Variants in ACOX3 observed in about 807,000 individuals in gnomAD.
ACOX3 encodes acyl-CoA oxidase 3, pristanoyl, also known as peroxisomal acyl-coenzyme A oxidase 3.
Under a neutral mutation model 81.5 loss-of-function variants are expected in ACOX3, and 73 were observed. The ratio of observed to expected loss-of-function variants is 0.90; its 90% CI spans 0.74 to 1.09. The LOEUF (loss-of-function observed/expected upper bound fraction) is 1.09, where lower values mean the gene tolerates loss of function less well. Ranked by LOEUF, ACOX3 falls within the 50% of genes least tolerant of loss-of-function variation. The probability of loss-of-function intolerance (pLI) is 0.00; values close to 1 mark genes in which losing one functional copy is unlikely to be tolerated. For synonymous variants in ACOX3, 387 were observed against 375.1 expected (o/e 1.03, Z -0.37); for missense variants, 947 against 928.0 (o/e 1.02, Z -0.27).
chr4:8,359,829 A>G, the ACOX3 span, among the ~76,000 whole-genome samples: 1 of 152,176 alleles, frequency 6.6e-6, no homozygotes, highest in African/African-American at 2.4e-5. The surrounding 1 kb of genome is among the most constrained non-coding windows in gnomAD (Gnocchi z 6.0). Context: ...AAATTGTAAA[A>G]AATAATTGTT....
chr4:8,390,772 T>G (rs376874407), intron 11 of ACOX3, among the ~76,000 whole-genome samples: 2 of 152,090 alleles, frequency 1.3e-5, no homozygotes, highest in South Asian at 4.1e-4. Context: ...CCTGAGAGCA[T>G]GAAAGGAGTC....
chr4:8,389,828 G>C lies in ACOX3; in HGVS notation c.1301-94C>G. 1 of 1,530,682 alleles carries C rather than the reference G, an allele frequency of 6.5e-7. No homozygotes were observed. The highest frequency in any genetic ancestry group is 1.7e-5 in the Admixed American group (1 of 58,010). 94.8% of individuals were successfully genotyped at this position (1,530,682 alleles called of 1,614,324 possible). A position where few individuals can be genotyped will look rare whatever the true frequency, so the allele number is the denominator to read the frequency against. ...GAATTTAAAAAGCCTTAAGAGGCTG[G>C]GTGCGGTGGCTCACACCTGTAATGG... On this transcript the variant is annotated intron_variant, in intron 11 of 17. Coordinates refer to ENST00000356406, the MANE Select transcript of ACOX3 (RefSeq NM_003501.3). The surrounding 1 kb of genome is among the most constrained non-coding windows in gnomAD (Gnocchi z 5.3).
intron 7 of ACOX3, among the ~76,000 whole-genome samples, chr4:8,401,100 G>A (rs1176458856): frequency 2.6e-5 from 4 of 151,908 alleles, no homozygotes; most frequent in Admixed American, 1.3e-4. Flanking sequence ...TAGGATTCAC[G>A]CTCCTATAAG....
At chr4:8,404,435 CT>C (rs370622347) in intron 7 of ACOX3, among the ~76,000 whole-genome samples, 6,528 of 125,266 alleles carry the variant, frequency 0.052, 222 homozygotes, top group African/African-American at 0.12. Context: ...TCTTGTTTTG[CT>C]TTTTTTTTTT....
chr4:8,375,633 G>C (rs118107514), intron 14 of ACOX3, among the ~76,000 whole-genome samples: 1 of 152,146 alleles, frequency 6.6e-6, no homozygotes, highest in African/African-American at 2.4e-5. Context: ...CTGCCACCCC[G>C]TCCTCCAAAG....
chr4:8,359,387 T>C, the ACOX3 span, among the ~76,000 whole-genome samples: 1 of 151,606 alleles, frequency 6.6e-6, no homozygotes, highest in Non-Finnish European at 1.5e-5. The surrounding 1 kb of genome is among the most constrained non-coding windows in gnomAD (Gnocchi z 6.0). Context: ...TAAGGACGCT[T>C]GCTCAACCTT....
At chr4:8,391,031 G>GTGCATATGTATA (rs1718929891) in intron 11 of ACOX3, among the ~76,000 whole-genome samples, 1 of 148,116 alleles carries the variant, frequency 6.8e-6, no homozygotes, top group Non-Finnish European at 1.5e-5. Context: ...GTATATGTAT[G>GTGCATATGTATA]TGTATATGTA....
At chr4:8,369,460 G>A (rs1715877379) in intron 17 of ACOX3, among the ~76,000 whole-genome samples, 1 of 152,200 alleles carries the variant, frequency 6.6e-6, no homozygotes, top group African/African-American at 2.4e-5. Context: ...TCAGCTCTCA[G>A]CGGCAGTCAT....
rs760082223 is a variant in ACOX3 at position 8,415,994 on chromosome 4, G to A, written c.150C>T (p.Thr50=). 10 of 1,613,748 alleles carry A rather than the reference G, an allele frequency of 6.2e-6. No individual in the cohort carries two copies. Among genetic ancestry groups the A allele is most frequent in the Non-Finnish European group, 8.5e-6 (10 of 1,179,840 alleles). ...GGTCATTCTCAAGAGCTGAGAAGAT[G>A]GTTTTCTGGAAATGCAGGAGATGGG... The part of the protein sequence containing the change: ...EGEGMLRFKK[T]IFSALENDPL... Residue 50 remains threonine, a synonymous_variant, in exon 3 of 18, where the codon ACC becomes ACT. Transcript: ENST00000356406.
rs765107756 is a variant in ACOX3 at position 8,399,529 on chromosome 4, C to T, written c.873+27G>A. On this transcript the variant is annotated intron_variant, in intron 8 of 17. Transcript: ENST00000356406. This position sits in a 1 kb window ranked among gnomAD's most constrained non-coding sequence, Gnocchi z 4.9. Reference sequence around the variant, plus strand: ...AGAGGAAGGCACCTGGGAAGCACGGCACACGAACGGCCCCCCATGCCTGTA... The same window carrying T: ...AGAGGAAGGCACCTGGGAAGCACGGTACACGAACGGCCCCCCATGCCTGTA... 6 of 1,584,630 alleles carry T rather than the reference C, an allele frequency of 3.8e-6. No homozygotes were observed. The African/African-American group carries it at 5.4e-5, about 14-fold the overall frequency.
chr4:8,377,923 G>A (rs971985181), intron 14 of ACOX3, among the ~76,000 whole-genome samples: 6 of 152,134 alleles, frequency 3.9e-5, no homozygotes, highest in African/African-American at 1.4e-4. Context: ...AGACACATCC[G>A]GGAGCCCCAC....
intron 1 of ACOX3, among the ~76,000 whole-genome samples, chr4:8,425,763 C>T (rs1443838696): frequency 3.3e-5 from 5 of 151,582 alleles, no homozygotes; most frequent in South Asian, 2.1e-4. Context: ...AGGCCGAAGA[C>T]GTAATAAAGG....
Position 8,435,065 on chromosome 4 carries a change from A to G in ACOX3, c.-15+5583T>C, listed in dbSNP as rs1724148477. Among the ~76,000 whole-genome samples, 5 of 152,376 alleles carry G rather than the reference A, an allele frequency of 3.3e-5. No homozygotes were observed. In the South Asian group the frequency reaches 1.0e-3, roughly 32 times the overall value. ...GTGTTAAAAAAAAATTTCAAGAAGA[A>G]AAATAAAAGGAAAGTCATCTAATCA... On this transcript the variant is annotated intron_variant, in intron 1 of 17. Coordinates refer to ENST00000356406, the MANE Select transcript of ACOX3 (RefSeq NM_003501.3).
At chr4:8,367,439 C>T (rs1194704208) in intron 17 of ACOX3, among the ~76,000 whole-genome samples, 2 of 152,112 alleles carry the variant, frequency 1.3e-5, no homozygotes, top group Non-Finnish European at 2.9e-5. Flanking sequence ...GCCGAGATTG[C>T]ACCACTGCAC....
At chr4:8,420,994 C>G (rs908780112) in intron 1 of ACOX3, among the ~76,000 whole-genome samples, 1 of 152,248 alleles carries the variant, frequency 6.6e-6, no homozygotes, top group East Asian at 1.9e-4. Context: ...ACACTCACCG[C>G]ATGGCCCAAG....
At chr4:8,435,157 G>A (rs1159427040) in intron 1 of ACOX3, among the ~76,000 whole-genome samples, 1 of 152,196 alleles carries the variant, frequency 6.6e-6, no homozygotes. Flanking sequence ...GGATTACAGA[G>A]GTTAAGCCCC....
Position 8,400,574 on chromosome 4 carries a change from C to T in ACOX3, c.777-922G>A, listed in dbSNP as rs1720261653. 6.6e-6 allele frequency among the ~76,000 whole-genome samples: 1 copy of T among 152,102 alleles called. No homozygotes were observed. The highest frequency in any genetic ancestry group is 1.5e-5 in the Non-Finnish European group (1 of 68,032). On this transcript the variant is annotated intron_variant, in intron 7 of 17. Coordinates refer to ENST00000356406, the MANE Select transcript of ACOX3 (RefSeq NM_003501.3). This position sits in a 1 kb window ranked among gnomAD's most constrained non-coding sequence, Gnocchi z 4.4. ...GTTATGGATCATGATGTATTAATAA[C>T]CAAAGATACCTGTTATGGTTGTCTG...
rs1398534663 is a variant in ACOX3 at position 8,416,705 on chromosome 4, A to C, written c.-14-170T>G. The stretch of plus-strand genomic sequence containing the variant: ...GAATGGCTAGCATCATTTTCCCAGA[A>C]GAAAAGGCGAGAAGAATTCCCTCGT... On this transcript the variant is annotated intron_variant, in intron 1 of 17. Coordinates refer to ENST00000356406, the MANE Select transcript of ACOX3 (RefSeq NM_003501.3). The surrounding 1 kb of genome is among the most constrained non-coding windows in gnomAD (Gnocchi z 4.2). 1.3e-5 allele frequency among the ~76,000 whole-genome samples: 2 copies of C among 152,276 alleles called. No homozygotes were observed. The highest frequency in any genetic ancestry group is 2.9e-5 in the Non-Finnish European group (2 of 68,048).
downstream of ACOX3, among the ~76,000 whole-genome samples, chr4:8,364,927 C>G (rs1715329096): frequency 6.6e-6 from 1 of 152,174 alleles, no homozygotes; most frequent in Non-Finnish European, 1.5e-5. The surrounding 1 kb of genome is among the most constrained non-coding windows in gnomAD (Gnocchi z 5.0). Flanking sequence ...GACCGTGACT[C>G]TAACTCAGGC....
Sources: gnomAD v4.1 joint callset for allele counts (sites outside exome capture counted in the v4.1 genomes callset) on GRCh38, gnomAD v4.1.1 for gene constraint, Gnocchi (gnomAD v3.1) non-coding constraint, MANE v1.5 for transcripts, NCBI Gene and HGNC (gene_info 2026-07-23, HGNC 2026-07-21) for gene names.